Variants in CNTNAP2 observed in about 807,000 individuals in gnomAD.
CNTNAP2 encodes contactin-associated protein-like 2.
CNTNAP2 carries 98 observed loss-of-function variants against 155.2 expected under a neutral mutation model. The observed-to-expected ratio is 0.63, with a 90% confidence interval of 0.54 to 0.75. The LOEUF (loss-of-function observed/expected upper bound fraction) is 0.75. Ranked by LOEUF, CNTNAP2 falls within the 30% of genes least tolerant of loss-of-function variation. The probability of loss-of-function intolerance (pLI) is 0.00; values close to 1 mark genes in which losing one functional copy is unlikely to be tolerated. For synonymous variants in CNTNAP2, 651 were observed against 631.2 expected, an observed-to-expected ratio of 1.03 and a Z score of -0.47; for missense variants, 1,727 against 1,688.1, an observed-to-expected ratio of 1.02 and a Z score of -0.40.
intron 17 of CNTNAP2, among the ~76,000 whole-genome samples, chr7:148,156,784 G>A (rs905406687): frequency 6.6e-6 from 1 of 152,084 alleles, no homozygotes; most frequent in African/African-American, 2.4e-5. Flanking sequence ...TCAGTAGGTG[G>A]CATCACCATC....
At chr7:146,238,828 G>T (rs184122972) in intron 1 of CNTNAP2, among the ~76,000 whole-genome samples, 7 of 152,138 alleles carry the variant, frequency 4.6e-5, no homozygotes, top group Non-Finnish European at 8.8e-5. Flanking sequence ...TCACAAGGCG[G>T]CAGGAAGAAG....
At chr7:148,397,459 A>C (rs1799494440) in intron 22 of CNTNAP2, among the ~76,000 whole-genome samples, 1 of 152,240 alleles carries the variant, frequency 6.6e-6, no homozygotes, top group South Asian at 2.1e-4. Flanking sequence ...GGAGTAAAAC[A>C]TATAATTCCA....
rs1795849569 is a variant in CNTNAP2, at chr7:146,410,432, A to G, written c.97+293459A>G. On this transcript the variant is annotated intron_variant, in intron 1 of 23. Transcript: ENST00000361727. ...TACAGAAACATAAGCAAACAGCAGT[A>G]ATCACTAATATCAATTAAATGGATA... Among the ~76,000 whole-genome samples, 3 of 152,204 alleles carry G rather than the reference A, an allele frequency of 2.0e-5. 1 individual carries two copies. The South Asian group carries it at 6.2e-4, about 31-fold the overall frequency.
chr7:148,365,079 G>A (rs942920640), intron 21 of CNTNAP2, among the ~76,000 whole-genome samples: 1 of 152,184 alleles, frequency 6.6e-6, no homozygotes, highest in Non-Finnish European at 1.5e-5. Context: ...CATTCTTGAA[G>A]TCAGTGAGAC....
At chr7:147,412,730 T>C (rs1054268012) in intron 10 of CNTNAP2, among the ~76,000 whole-genome samples, 1 of 152,176 alleles carries the variant, frequency 6.6e-6, no homozygotes, top group Non-Finnish European at 1.5e-5. Flanking sequence ...TAGCAATGCT[T>C]TATGAGTGAA....
At chr7:148,356,809 GGC>G (rs1348099823) in intron 21 of CNTNAP2, among the ~76,000 whole-genome samples, 1 of 151,682 alleles carries the variant, frequency 6.6e-6, no homozygotes, top group Non-Finnish European at 1.5e-5. Context: ...TAAGTCTCCT[GGC>G]TTGACACTTC....
rs750869689 is a variant in CNTNAP2, at chr7:146,489,388, G to A, written c.98-284883G>A. Among the ~76,000 whole-genome samples the A allele has an allele frequency of 6.6e-5, 10 of 152,224 alleles. No homozygotes were observed. In the East Asian group the frequency reaches 1.5e-3, roughly 24 times the overall value. ...TTTTTAACTTGTCTAATTGAAAACC[G>A]AACCTTTCTCTTACTGCTCTTTTAG... On this transcript the variant is annotated intron_variant, in intron 1 of 23. Transcript: ENST00000361727.
At chr7:146,616,277 C>G (rs561058015) in intron 1 of CNTNAP2, among the ~76,000 whole-genome samples, 1 of 152,072 alleles carries the variant, frequency 6.6e-6, no homozygotes, top group Non-Finnish European at 1.5e-5. Flanking sequence ...CCAGAGGATT[C>G]TTTTGAAACG....
At chr7:147,793,155 A>G (rs756519970) in intron 13 of CNTNAP2, among the ~76,000 whole-genome samples, 2 of 152,118 alleles carry the variant, frequency 1.3e-5, no homozygotes, top group Non-Finnish European at 2.9e-5. Context: ...CATTATTAAC[A>G]GTATCTTTTG....
intron 4 of CNTNAP2, among the ~76,000 whole-genome samples, chr7:147,107,882 A>AAATATAAGAT (rs1320600006): frequency 6.6e-6 from 1 of 152,148 alleles, no homozygotes; most frequent in Non-Finnish European, 1.5e-5. Flanking sequence ...CATATAACCC[A>AAATATAAGAT]TTGAATTTAT....
At chr7:147,359,082 A>T (rs1004281014) in intron 9 of CNTNAP2, among the ~76,000 whole-genome samples, 2 of 152,166 alleles carry the variant, frequency 1.3e-5, no homozygotes, top group African/African-American at 4.8e-5. Flanking sequence ...ATCCCTAAAC[A>T]AGCTGAATAT....
intron 4 of CNTNAP2, among the ~76,000 whole-genome samples, chr7:147,045,876 G>GTA (rs1563056224): frequency 8.6e-5 from 13 of 151,320 alleles, no homozygotes; most frequent in South Asian, 6.3e-4. Context: ...ACATATACGT[G>GTA]CATATATATA....
intron 11 of CNTNAP2, among the ~76,000 whole-genome samples, chr7:147,524,751 C>T (rs528787295): frequency 1.6e-4 from 24 of 152,296 alleles, no homozygotes; most frequent in South Asian, 6.2e-4. Context: ...TCCAATTCTG[C>T]GTTCATCCTC....
chr7:147,627,501 G>A lies in CNTNAP2; in HGVS notation c.1898-11605G>A, dbSNP rs914971512. On this transcript the variant is annotated intron_variant, in intron 12 of 23. Transcript: ENST00000361727. ...TCATGAGGTCAGGAGTTCAAGACCA[G>A]CCTGGCCAACATAGTGAAACCCTGT... Among the ~76,000 whole-genome samples the A allele has an allele frequency of 4.6e-5, 7 of 151,988 alleles. No individual in the cohort carries two copies. The South Asian group carries it at 1.5e-3, about 32-fold the overall frequency.
intron 21 of CNTNAP2, among the ~76,000 whole-genome samples, chr7:148,271,811 T>G (rs1194733063): frequency 3.9e-5 from 6 of 152,164 alleles, no homozygotes; most frequent in Admixed American, 1.3e-4. Context: ...AGACAACCCA[T>G]TTGCATTCCC....
chr7:147,265,924 A>T (rs769699832), intron 8 of CNTNAP2, among the ~76,000 whole-genome samples: 6 of 152,166 alleles, frequency 3.9e-5, no homozygotes, highest in Non-Finnish European at 8.8e-5. Flanking sequence ...GGACCTGACT[A>T]TTGAAAGAAA....
chr7:146,696,414 G>C (rs1355758474), intron 1 of CNTNAP2, among the ~76,000 whole-genome samples: 1 of 151,976 alleles, frequency 6.6e-6, no homozygotes, highest in Non-Finnish European at 1.5e-5. Flanking sequence ...TGTTTTCTCT[G>C]TTTTCTGGTT....
chr7:147,569,206 G>C (rs1044582900), intron 12 of CNTNAP2, among the ~76,000 whole-genome samples: 4 of 152,112 alleles, frequency 2.6e-5, no homozygotes, highest in Non-Finnish European at 5.9e-5. Flanking sequence ...AGCTTGTAAC[G>C]GAAGTTTCTA....
chr7:146,406,923 T>C (rs945944480), intron 1 of CNTNAP2, among the ~76,000 whole-genome samples: 1 of 152,202 alleles, frequency 6.6e-6, no homozygotes, highest in Non-Finnish European at 1.5e-5. Context: ...ATCATTTATG[T>C]CAGAAGTGTT....
Sources: gnomAD v4.1 joint callset for allele counts (sites outside exome capture counted in the v4.1 genomes callset) on GRCh38, gnomAD v4.1.1 for gene constraint, MANE v1.5 for transcripts, NCBI Gene and HGNC (gene_info 2026-07-23, HGNC 2026-07-21) for gene names.